Variants in CHST9 observed in about 807,000 individuals in gnomAD.
CHST9 encodes the protein GalNAc-4-sulfotransferase 2.
A neutral mutation model predicts 44.4 loss-of-function variants in CHST9; 41 were observed. The ratio of observed to expected loss-of-function variants is 0.92; its 90% CI spans 0.72 to 1.20. CHST9 has a LOEUF of 1.20. Among genes scored for constraint, CHST9 ranks in the 50% most tolerant of loss-of-function variants. CHST9 has a pLI of 0.00. For missense variants in CHST9, 504 were observed against 516.5 expected (o/e 0.98, Z 0.23); for synonymous variants, 171 against 178.4 (o/e 0.96, Z 0.33).
intron 3 of CHST9, among the ~76,000 whole-genome samples, chr18:27,040,750 A>C (rs1347820488): frequency 6.6e-6 from 1 of 152,182 alleles, no homozygotes; most frequent in East Asian, 1.9e-4. Flanking sequence ...CACAGTATAC[A>C]AGTATATCAT....
At chr18:27,132,708 G>A (rs186759916) in intron 2 of CHST9, among the ~76,000 whole-genome samples, 1 of 152,260 alleles carries the variant, frequency 6.6e-6, no homozygotes, top group Non-Finnish European at 1.5e-5. Flanking sequence ...TCCATTATGA[G>A]GCCCCTCTGA....
chr18:27,160,617 G>A (rs1417899268), intron 1 of CHST9, among the ~76,000 whole-genome samples: 1 of 152,102 alleles, frequency 6.6e-6, no homozygotes, highest in African/African-American at 2.4e-5. Context: ...GGATGATGCT[G>A]GCCACATAAA....
At chr18:27,154,440 G>A (rs1274105857) in intron 1 of CHST9, among the ~76,000 whole-genome samples, 2 of 152,018 alleles carry the variant, frequency 1.3e-5, no homozygotes, top group Non-Finnish European at 2.9e-5. Flanking sequence ...CATTTGTTCT[G>A]TGGACAAGAA....
chr18:26,954,181 C>T lies in CHST9; in HGVS notation c.203-9815G>A, dbSNP rs149348954. On this transcript the variant is annotated intron_variant, in intron 4 of 5. Coordinates refer to ENST00000618847, the MANE Select transcript of CHST9 (RefSeq NM_031422.6). ...TTTGGTCATTCAGCAGACTGGGGCC[C>T]TGTCCTTACCTCTCAAAGAAGCATA... Among the ~76,000 whole-genome samples, 578 of 152,248 alleles carry T rather than the reference C, an allele frequency of 3.8e-3. 3 individuals are homozygous for T. Among genetic ancestry groups the T allele is most frequent in the African/African-American group, 0.014 (563 of 41,534 alleles).
chr18:27,107,747 T>C lies in CHST9; in HGVS notation c.121+34942A>G, dbSNP rs558907008. ...AGATAGCCACAACTTTTCTGAGTCA[T>C]TTCAGGGAAAACTTATGAGGACTTG... On this transcript the variant is annotated intron_variant, in intron 2 of 5. Coordinates refer to ENST00000618847, the MANE Select transcript of CHST9 (RefSeq NM_031422.6). Among the ~76,000 whole-genome samples the C allele has an allele frequency of 2.0e-5, 3 of 152,302 alleles. No homozygotes were observed. In the South Asian group the frequency reaches 6.2e-4, roughly 32 times the overall value.
At chr18:26,998,206 C>A (rs1376161858) in intron 4 of CHST9, among the ~76,000 whole-genome samples, 1 of 152,160 alleles carries the variant, frequency 6.6e-6, no homozygotes. Flanking sequence ...TGGCACCCTG[C>A]TCGTATTTTA....
intron 3 of CHST9, among the ~76,000 whole-genome samples, chr18:27,039,186 GA>G (rs1385334658): frequency 6.6e-6 from 1 of 152,070 alleles, no homozygotes; most frequent in Non-Finnish European, 1.5e-5. Flanking sequence ...CAAAAAAATG[GA>G]AAGCAGGGTC....
In CHST9 at chr18:26,912,264, A is replaced by C. The variant is rs1434032391; in HGVS notation, c.*3995T>G. 1 of 152,100 alleles carries C rather than the reference A, an allele frequency of 6.6e-6. No individual in the cohort carries two copies. Among genetic ancestry groups the C allele is most frequent in the Admixed American group, 6.6e-5 (1 of 15,254 alleles). 9.4% of individuals were successfully genotyped at this position (152,100 alleles called of 1,614,324 possible). ...CCATGATTAACTAAGGATTACAAAA[A>C]AGTTGTGGGGAGGAAACCTAATTTC... On this transcript the variant is annotated 3_prime_UTR_variant, in exon 6 of 6. Transcript: ENST00000618847.
chr18:27,182,821 T>C (rs2143988451), intron 1 of CHST9, among the ~76,000 whole-genome samples: 1 of 152,318 alleles, frequency 6.6e-6, no homozygotes, highest in South Asian at 2.1e-4. Context: ...TCATATCCTA[T>C]CTCACATCCT....
chr18:26,985,947 CA>C (rs1233211956), intron 4 of CHST9, among the ~76,000 whole-genome samples: 26 of 152,226 alleles, frequency 1.7e-4, no homozygotes, highest in African/African-American at 6.0e-4. Flanking sequence ...ATCATAAAAA[CA>C]AGAACCAAAG....
At chr18:26,986,643 C>T (rs1417879064) in intron 4 of CHST9, among the ~76,000 whole-genome samples, 1 of 152,100 alleles carries the variant, frequency 6.6e-6, no homozygotes, top group South Asian at 2.1e-4. Context: ...AATCAAATTC[C>T]TCAAAATTGA....
intron 2 of CHST9, among the ~76,000 whole-genome samples, chr18:27,056,508 G>GT (rs1279736430): frequency 1.3e-5 from 2 of 151,560 alleles, no homozygotes; most frequent in African/African-American, 4.9e-5. Flanking sequence ...AAGGTGAATT[G>GT]TTTTTTTCTG....
At chr18:26,994,337 A>C (rs554291126) in intron 4 of CHST9, among the ~76,000 whole-genome samples, 2 of 152,190 alleles carry the variant, frequency 1.3e-5, no homozygotes, top group Non-Finnish European at 2.9e-5. Context: ...GACCTAATAC[A>C]TAACAGTTAT....
rs2055554947 is a variant in CHST9, at chr18:26,917,348, G to T, written c.243C>A (p.Asn81Lys). The T allele has an allele frequency of 1.2e-6, 2 of 1,607,664 alleles. No individual in the cohort carries two copies. Among genetic ancestry groups the T allele is most frequent in the East Asian group, 2.2e-5 (1 of 44,858 alleles). The part of the protein sequence containing the change: ...EKIQEHITNQ[N>K]PKFHMPEDVR... ...CATCCTCAGGCATGTGAAACTTGGG[G>T]TTCTGTTAAAATAAAGAAGGAGAAA... Residue 81 changes from asparagine (N) to lysine (K), a missense_variant and splice_region_variant, in exon 6 of 6, where the codon AAC becomes AAA. Physicochemically the swap from Asn to Lys is moderately conservative, Grantham distance 94. Transcript: ENST00000618847.
chr18:26,922,376 A>C (rs1366368171), intron 5 of CHST9, among the ~76,000 whole-genome samples: 1 of 152,188 alleles, frequency 6.6e-6, no homozygotes. Flanking sequence ...TCCTGTGAGG[A>C]AAGTAATTTT....
intron 1 of CHST9, among the ~76,000 whole-genome samples, chr18:27,153,512 GTCTCTC>G (rs962805467): frequency 6.7e-6 from 1 of 148,472 alleles, no homozygotes; most frequent in African/African-American, 2.5e-5. Flanking sequence ...CTCTGTCTCT[GTCTCTC>G]TCTGTCTTTC....
chr18:26,910,719 G>C lies in CHST9; in HGVS notation c.*5540C>G, dbSNP rs560200310. On this transcript the variant is annotated 3_prime_UTR_variant, in exon 6 of 6. Transcript: ENST00000618847. ...CTGCCAATGTATGGTCTCAGCTTTGGAGCCAGAGAGACTGTTATTAAACCT... is the reference window on the plus strand; with the variant it reads ...CTGCCAATGTATGGTCTCAGCTTTGCAGCCAGAGAGACTGTTATTAAACCT... 2.6e-5 allele frequency: 4 copies of C among 152,248 alleles called. No homozygotes were observed. Among genetic ancestry groups the C allele is most frequent in the African/African-American group, 9.6e-5 (4 of 41,566 alleles). 9.4% of individuals were successfully genotyped at this position (152,248 alleles called of 1,614,324 possible). A position where few individuals can be genotyped will look rare whatever the true frequency, so the allele number is the denominator to read the frequency against.
At chr18:26,958,901 G>A (rs1218603154) in intron 4 of CHST9, among the ~76,000 whole-genome samples, 3 of 152,184 alleles carry the variant, frequency 2.0e-5, no homozygotes, top group Admixed American at 2.0e-4. Flanking sequence ...ACTGTGGAAA[G>A]CAGTTTGAAG....
At chr18:26,981,822 T>G (rs1056337771) in intron 4 of CHST9, among the ~76,000 whole-genome samples, 1 of 152,222 alleles carries the variant, frequency 6.6e-6, no homozygotes, top group Admixed American at 6.5e-5. Context: ...GCAAATTTAG[T>G]GGGTTGAGTC....
Sources: allele counts gnomAD v4.1 joint callset (sites outside exome capture counted in the v4.1 genomes callset), GRCh38; gene constraint gnomAD v4.1.1; transcripts MANE v1.5; gene names NCBI Gene and HGNC (gene_info 2026-07-23, HGNC 2026-07-21).